Variants in ASIC2 observed in about 807,000 individuals in gnomAD.
The protein encoded by ASIC2 is acid sensing ion channel subunit 2.
In ASIC2, 25 loss-of-function variants were observed where a neutral mutation model predicts 57.3. The ratio of observed to expected loss-of-function variants is 0.44; its 90% confidence interval spans 0.32 to 0.61. The LOEUF (loss-of-function observed/expected upper bound fraction) is 0.61. ASIC2 is among the 20% of genes least tolerant of loss of function. The pLI is 0.06. For synonymous variants in ASIC2, 319 were observed against 307.5 expected, an observed-to-expected ratio of 1.04 and a Z score of -0.39; for missense variants, 641 against 738.1, an observed-to-expected ratio of 0.87 and a Z score of 1.52.
chr17:34,106,311 C>T (rs908033594), intron 1 of ASIC2, among the ~76,000 whole-genome samples: 5 of 152,138 alleles, frequency 3.3e-5, no homozygotes, highest in Non-Finnish European at 7.4e-5. Flanking sequence ...TCTCTTTTAA[C>T]TGACAGTCAG....
chr17:33,684,713 C>A (rs1381741431), intron 1 of ASIC2, among the ~76,000 whole-genome samples: 1 of 151,702 alleles, frequency 6.6e-6, no homozygotes, highest in African/African-American at 2.4e-5. Context: ...AAGTAGCAGG[C>A]CCCAATGGTT....
At chr17:33,457,733 G>A (rs908466540) in intron 1 of ASIC2, among the ~76,000 whole-genome samples, 5 of 152,148 alleles carry the variant, frequency 3.3e-5, no homozygotes, top group Non-Finnish European at 7.3e-5. Flanking sequence ...TACAAGACAG[G>A]TGCTGGCCAA....
intron 1 of ASIC2, among the ~76,000 whole-genome samples, chr17:34,068,570 C>G (rs1909261814): frequency 2.0e-5 from 3 of 152,142 alleles, no homozygotes; most frequent in African/African-American, 7.2e-5. Context: ...AGGGTCTTAG[C>G]TTTTTCCTGT....
chr17:33,741,862 G>A (rs1910123194), intron 1 of ASIC2, among the ~76,000 whole-genome samples: 1 of 152,208 alleles, frequency 6.6e-6, no homozygotes, highest in South Asian at 2.1e-4. Flanking sequence ...GTTTGGAACA[G>A]AGGATGTCTG....
At chr17:33,396,617 T>A (rs968719871) in intron 1 of ASIC2, among the ~76,000 whole-genome samples, 2 of 152,182 alleles carry the variant, frequency 1.3e-5, no homozygotes, top group African/African-American at 2.4e-5. Context: ...CTTATAGAAG[T>A]GGCCCCCAAA....
chr17:33,467,065 G>A (rs1057279430), intron 1 of ASIC2, among the ~76,000 whole-genome samples: 5 of 152,156 alleles, frequency 3.3e-5, no homozygotes, highest in African/African-American at 4.8e-5. Context: ...GCAACCTACA[G>A]AATGGGAGAA....
At chr17:33,995,982 C>T (rs1475559447) in intron 1 of ASIC2, among the ~76,000 whole-genome samples, 1 of 152,172 alleles carries the variant, frequency 6.6e-6, no homozygotes, top group African/African-American at 2.4e-5. Context: ...ACAAGGGTTT[C>T]CTTTTCTCCA....
intron 1 of ASIC2, among the ~76,000 whole-genome samples, chr17:33,143,323 A>C (rs1266110525): frequency 6.6e-6 from 1 of 152,182 alleles, no homozygotes; most frequent in African/African-American, 2.4e-5. Flanking sequence ...GGAATTGCTC[A>C]TTTTCAATAG....
intron 2 of ASIC2, among the ~76,000 whole-genome samples, chr17:33,097,645 A>G (rs1238980796): frequency 2.6e-5 from 4 of 152,240 alleles, no homozygotes; most frequent in Admixed American, 2.0e-4. Context: ...TAGAAGCCAC[A>G]TTGGTGCCAG....
chr17:33,254,079 G>A (rs1908974554), intron 1 of ASIC2, among the ~76,000 whole-genome samples: 1 of 152,180 alleles, frequency 6.6e-6, no homozygotes, highest in African/African-American at 2.4e-5. Context: ...AATTGCTAAT[G>A]GTTTCATTAA....
intron 1 of ASIC2, among the ~76,000 whole-genome samples, chr17:34,103,615 T>A (rs1910941815): frequency 6.6e-6 from 1 of 152,198 alleles, no homozygotes; most frequent in South Asian, 2.1e-4. Context: ...CAGTCATCTC[T>A]AATTAAATGT....
chr17:34,083,076 G>A (rs953713010), intron 1 of ASIC2, among the ~76,000 whole-genome samples: 2 of 151,306 alleles, frequency 1.3e-5, no homozygotes, highest in African/African-American at 4.9e-5. Context: ...CAATGTGCAG[G>A]TTAGTTACAT....
At chr17:34,023,691 A>G (rs1907269877) in intron 1 of ASIC2, among the ~76,000 whole-genome samples, 2 of 152,168 alleles carry the variant, frequency 1.3e-5, no homozygotes. Context: ...TTGGAAGCAG[A>G]GAGTAGCCCT....
intron 3 of ASIC2, 73 bp from the exon 4 acceptor site, chr17:33,028,465 C>T: frequency 6.5e-7 from 1 of 1,550,110 alleles, no homozygotes; most frequent in Non-Finnish European, 8.8e-7. Context: ...CTTACTCAAT[C>T]AACAAACAAT....
At chr17:33,759,500 G>A (rs1388999569) in intron 1 of ASIC2, among the ~76,000 whole-genome samples, 1 of 152,228 alleles carries the variant, frequency 6.6e-6, no homozygotes, top group Non-Finnish European at 1.5e-5. Context: ...TTTTGCTAAA[G>A]AGATTCATAT....
At chr17:33,252,623 C>A (rs1323524969) in intron 1 of ASIC2, among the ~76,000 whole-genome samples, 1 of 152,028 alleles carries the variant, frequency 6.6e-6, no homozygotes, top group Non-Finnish European at 1.5e-5. Flanking sequence ...TCACGTAGTG[C>A]AACTTGGTGC....
intron 1 of ASIC2, among the ~76,000 whole-genome samples, chr17:33,167,099 A>T (rs319773): frequency 1.1e-3 from 173 of 152,076 alleles, no homozygotes; most frequent in Non-Finnish European, 1.3e-3. Flanking sequence ...CTGACTGATC[A>T]TATGTTCCAA....
intron 1 of ASIC2, among the ~76,000 whole-genome samples, chr17:33,904,196 G>A (rs529409670): frequency 2.0e-3 from 268 of 137,330 alleles, no homozygotes; most frequent in Non-Finnish European, 2.9e-3. Context: ...AAGAATTATA[G>A]CTATGATGAT....
chr17:33,858,497 G>C lies in ASIC2; in HGVS notation c.555+297481C>G, dbSNP rs559318801. Among the ~76,000 whole-genome samples the C allele has an allele frequency of 1.2e-4, 18 of 152,308 alleles. 1 individual carries two copies. The highest frequency in any genetic ancestry group is 1.1e-3 in the Admixed American group (17 of 15,310). ...TGTTTAGTTCAAAGACCTCATTAACGCTGGGGTTAGCGGGAGCAGCTTCAC... is the reference window on the plus strand; with the variant it reads ...TGTTTAGTTCAAAGACCTCATTAACCCTGGGGTTAGCGGGAGCAGCTTCAC... On this transcript the variant is annotated intron_variant, in intron 1 of 9. Transcript: ENST00000359872.
Sources: allele counts gnomAD v4.1 joint callset (sites outside exome capture counted in the v4.1 genomes callset), GRCh38; gene constraint gnomAD v4.1.1; transcripts MANE v1.5; gene names NCBI Gene and HGNC (gene_info 2026-07-23, HGNC 2026-07-21).